The following PAG1 variants were observed in gnomAD, a reference collection of about 807,000 sequenced individuals.
PAG1 encodes the protein phosphoprotein associated with glycosphingolipid-enriched microdomains 1.
A neutral mutation model predicts 31.7 loss-of-function variants in PAG1; 23 were observed. The observed-to-expected ratio is 0.73, with a 90% confidence interval of 0.52 to 1.03. The LOEUF (loss-of-function observed/expected upper bound fraction) is 1.03. Ranked by LOEUF, PAG1 falls within the 50% of genes least tolerant of loss-of-function variation. The pLI is 0.00. For missense variants in PAG1, 473 were observed against 540.7 expected (o/e 0.87, Z 1.24); for synonymous variants, 214 against 210.3 (o/e 1.02, Z -0.15).
In PAG1 at chr8:80,984,773, C is replaced by G; in HGVS notation, c.876+3G>C. Reference sequence around the variant, plus strand: ...AAGACAAAACAAAAACGCCAGTGCCCACCTTGTTAGTTTCACTGGTCGTGT... The same window carrying G: ...AAGACAAAACAAAAACGCCAGTGCCGACCTTGTTAGTTTCACTGGTCGTGT... On this transcript the variant is annotated splice_donor_region_variant and intron_variant, in intron 7 of 8. Transcript: ENST00000220597. The G allele has an allele frequency of 6.2e-7, 1 of 1,612,062 alleles. No homozygotes were observed. Among genetic ancestry groups the G allele is most frequent in the Middle Eastern group, 1.7e-4 (1 of 6,048 alleles).
chr8:80,995,983 T>C (rs1409486801), intron 3 of PAG1, among the ~76,000 whole-genome samples: 1 of 152,248 alleles, frequency 6.6e-6, no homozygotes, highest in Non-Finnish European at 1.5e-5. Flanking sequence ...TCCCCTTCAA[T>C]TAGAATTGTC....
rs79934413 is a variant in PAG1, at chr8:80,989,526, T to C, written c.177+1953A>G. Among the ~76,000 whole-genome samples, 1,219 of 152,312 alleles carry C rather than the reference T, an allele frequency of 8.0e-3. 15 individuals are homozygous for C. The highest frequency in any genetic ancestry group is 0.028 in the African/African-American group (1,169 of 41,570). On this transcript the variant is annotated intron_variant, in intron 5 of 8. Transcript: ENST00000220597. The stretch of plus-strand genomic sequence containing the variant: ...CAGTGTCCGGGTAAGCATGCGTTCC[T>C]GTGTGTGCTCGCGCTCTCTCACAGA...
intron 2 of PAG1, among the ~76,000 whole-genome samples, chr8:81,057,619 G>T (rs1808848440): frequency 6.6e-6 from 1 of 151,936 alleles, no homozygotes; most frequent in Admixed American, 6.6e-5. Context: ...TAATGCAAAT[G>T]ACGAGTTAAT....
At position 81,073,047 on chromosome 8, in the gene PAG1, C is replaced by A. The variant is rs183101239; in HGVS notation, c.-233-2877G>T. ...CACTTTCAGTAGACTGAACGCCTGACTCCTTGAGAATGACCAGCACAACAT... is the reference window on the plus strand; with the variant it reads ...CACTTTCAGTAGACTGAACGCCTGAATCCTTGAGAATGACCAGCACAACAT... On this transcript the variant is annotated intron_variant, in intron 1 of 8. Coordinates refer to ENST00000220597, the MANE Select transcript of PAG1 (RefSeq NM_018440.4). Among the ~76,000 whole-genome samples, 9 of 152,322 alleles carry A rather than the reference C, an allele frequency of 5.9e-5. No individual in the cohort carries two copies. The East Asian group carries it at 1.5e-3, about 26-fold the overall frequency.
At chr8:81,000,518 C>T (rs984358141) in intron 3 of PAG1, among the ~76,000 whole-genome samples, 1 of 152,008 alleles carries the variant, frequency 6.6e-6, no homozygotes, top group South Asian at 2.1e-4. Flanking sequence ...GTTACTGAAT[C>T]GATTGTAAGG....
At position 80,987,441 on chromosome 8, in the gene PAG1, C is replaced by A; in HGVS notation, c.203G>T (p.Arg68Leu). Residue 68 changes from arginine to leucine, a missense_variant, in exon 6 of 9, where the codon CGT becomes CTT. Coordinates refer to ENST00000220597, the MANE Select transcript of PAG1 (RefSeq NM_018440.4). ...ATCTGTTGCCAGGCTAGTAACTGAA[C>A]GGCTGAACATCTCCTTGTCTGAAGG... ...NVPSDKEMFS[R>L]SVTSLATDAP... is the part of the protein sequence containing the mutation. 1.2e-6 allele frequency: 2 copies of A among 1,613,622 alleles called. No homozygotes were observed. Among genetic ancestry groups the A allele is most frequent in the Non-Finnish European group, 1.7e-6 (2 of 1,179,602 alleles).
intron 2 of PAG1, among the ~76,000 whole-genome samples, chr8:81,037,571 T>C (rs897697612): frequency 5.3e-5 from 8 of 152,246 alleles, no homozygotes; most frequent in Non-Finnish European, 1.0e-4. Context: ...AGAAGCTCTA[T>C]AGCATGCTTC....
chr8:81,025,493 T>C lies in PAG1; in HGVS notation c.-81+4503A>G, dbSNP rs572633707. 2.0e-5 allele frequency among the ~76,000 whole-genome samples: 3 copies of C among 152,224 alleles called. No individual in the cohort carries two copies. The South Asian group carries it at 6.2e-4, about 32-fold the overall frequency. On this transcript the variant is annotated intron_variant, in intron 3 of 8. Transcript: ENST00000220597. ...CCAGGAGCAACTGTCTAAATCCCCA[T>C]GGCAGTGGGGAGGGAGGAATTGTCA...
intron 1 of PAG1, among the ~76,000 whole-genome samples, chr8:81,095,679 G>A (rs1033700199): frequency 4.8e-4 from 73 of 152,206 alleles, no homozygotes; most frequent in Non-Finnish European, 1.9e-4. Flanking sequence ...AGTAAGGGTA[G>A]ATAGCCTGTT....
rs1807123205 is a variant in PAG1 at position 80,973,652 on chromosome 8, C to G, written c.*2892G>C. 1 of 152,140 alleles carries G rather than the reference C, an allele frequency of 6.6e-6. No homozygotes were observed. The highest frequency in any genetic ancestry group is 2.1e-4 in the South Asian group (1 of 4,836). The allele number at this position is 152,140 out of a possible 1,614,324, so 9.4% of individuals were successfully genotyped here. A position where few individuals can be genotyped will look rare whatever the true frequency, so the allele number is the denominator to read the frequency against. ...TAAATATACAAATTGTTTTTGATAACTACCTTTCATACATTTTATTTAAAC... is the reference window on the plus strand; with the variant it reads ...TAAATATACAAATTGTTTTTGATAAGTACCTTTCATACATTTTATTTAAAC... On this transcript the variant is annotated 3_prime_UTR_variant, in exon 9 of 9. Transcript: ENST00000220597.
Position 81,000,712 on chromosome 8 carries a change from G to T in PAG1, c.-80-7405C>A, listed in dbSNP as rs999165875. Reference sequence around the variant, plus strand: ...CAGCCTAGGCCTCCCAAAATGCTGGGATTATAGGCATGAGCCACCGCACCT... The same window carrying T: ...CAGCCTAGGCCTCCCAAAATGCTGGTATTATAGGCATGAGCCACCGCACCT... On this transcript the variant is annotated intron_variant, in intron 3 of 8. Coordinates refer to ENST00000220597, the MANE Select transcript of PAG1 (RefSeq NM_018440.4). Among the ~76,000 whole-genome samples the T allele has an allele frequency of 5.9e-5, 9 of 152,238 alleles. No individual in the cohort carries two copies. In the South Asian group the frequency reaches 1.7e-3, roughly 28 times the overall value.
intron 3 of PAG1, among the ~76,000 whole-genome samples, chr8:81,025,236 T>A (rs959119564): frequency 6.6e-6 from 1 of 152,094 alleles, no homozygotes; most frequent in African/African-American, 2.4e-5. Flanking sequence ...AAATATAAAA[T>A]GTAGGACATT....
chr8:81,008,190 C>T (rs982191320), intron 3 of PAG1, among the ~76,000 whole-genome samples: 2 of 152,108 alleles, frequency 1.3e-5, no homozygotes, highest in Non-Finnish European at 2.9e-5. Flanking sequence ...GCTATTATCC[C>T]ATAAACAAGA....
intron 1 of PAG1, among the ~76,000 whole-genome samples, chr8:81,092,189 C>CAAAAAA (rs58417714): frequency 1.4e-5 from 1 of 71,392 alleles, no homozygotes; most frequent in Non-Finnish European, 2.6e-5. Flanking sequence ...CACATCTCTG[C>CAAAAAA]AAAAAAAAAA....
At chr8:81,105,262 G>A (rs1809676379) in intron 1 of PAG1, among the ~76,000 whole-genome samples, 1 of 152,196 alleles carries the variant, frequency 6.6e-6, no homozygotes, top group African/African-American at 2.4e-5. Flanking sequence ...AGGGCAGAGA[G>A]AGGGATTTTC....
chr8:81,104,153 A>T (rs1224318238), intron 1 of PAG1, among the ~76,000 whole-genome samples: 1 of 152,166 alleles, frequency 6.6e-6, no homozygotes. Flanking sequence ...CTAGGAGTAA[A>T]AGCCACCATT....
In PAG1 at chr8:80,979,085, T is replaced by G. The variant is rs535628367; in HGVS notation, c.936+1350A>C. ...ATACAAAAAAAACTTTCATATTTAT[T>G]TTTCCTCTTTGTCCTAAAATGAATG... On this transcript the variant is annotated intron_variant, in intron 8 of 8. Coordinates refer to ENST00000220597, the MANE Select transcript of PAG1 (RefSeq NM_018440.4). Among the ~76,000 whole-genome samples the G allele has an allele frequency of 2.0e-5, 3 of 152,362 alleles. No individual in the cohort carries two copies. In the South Asian group the frequency reaches 6.2e-4, roughly 32 times the overall value.
At position 81,067,238 on chromosome 8, in the gene PAG1, A is replaced by G. The variant is rs147795858; in HGVS notation, c.-175+2874T>C. Among the ~76,000 whole-genome samples, 383 of 152,300 alleles carry G rather than the reference A, an allele frequency of 2.5e-3. 1 individual carries two copies. Among genetic ancestry groups the G allele is most frequent in the African/African-American group, 7.9e-3 (328 of 41,572 alleles). On this transcript the variant is annotated intron_variant, in intron 2 of 8. Transcript: ENST00000220597. ...AAAAGTACCAGCCAAGATGCTAACA[A>G]TGGTTCTCTTTGGGTAATGGATTCA... is the stretch of plus-strand genomic sequence containing the variant.
At chr8:81,051,312 C>T (rs902311565) in intron 2 of PAG1, among the ~76,000 whole-genome samples, 3 of 152,178 alleles carry the variant, frequency 2.0e-5, no homozygotes, top group African/African-American at 4.8e-5. Context: ...CCTTTAAAAA[C>T]GACTTAAGAT....
Sources: gnomAD v4.1 joint callset for allele counts (sites outside exome capture counted in the v4.1 genomes callset) on GRCh38, gnomAD v4.1.1 for gene constraint, MANE v1.5 for transcripts, NCBI Gene and HGNC (gene_info 2026-07-23, HGNC 2026-07-21) for gene names.